MACROD2: variants seen among roughly 807,000 people sequenced by gnomAD.
MACROD2 encodes ADP-ribose glycohydrolase MACROD2.
Under a neutral mutation model 70.4 loss-of-function variants are expected in MACROD2, and 36 were observed. The observed-to-expected ratio is 0.51, with a 90% CI of 0.39 to 0.68. MACROD2 has a LOEUF of 0.68. Ranked by LOEUF, MACROD2 falls within the 30% of genes least tolerant of loss-of-function variation. The pLI is 0.00. For missense variants in MACROD2, 496 were observed against 538.4 expected (o/e 0.92, Z 0.78); for synonymous variants, 172 against 178.8 (o/e 0.96, Z 0.30).
chr20:15,947,740 T>G (rs1361467785), intron 12 of MACROD2, among the ~76,000 whole-genome samples: 1 of 152,206 alleles, frequency 6.6e-6, no homozygotes, highest in African/African-American at 2.4e-5. Flanking sequence ...ACATAACAGT[T>G]TCTATAATGC....
chr20:15,296,616 G>A (rs1019424624), intron 6 of MACROD2, among the ~76,000 whole-genome samples: 1 of 152,164 alleles, frequency 6.6e-6, no homozygotes, highest in African/African-American at 2.4e-5. Context: ...ACAAACAGAA[G>A]CAGAGATGCC....
intron 4 of MACROD2, among the ~76,000 whole-genome samples, chr20:14,602,975 A>T (rs1982588627): frequency 1.3e-5 from 2 of 152,184 alleles, no homozygotes; most frequent in Admixed American, 1.3e-4. Flanking sequence ...CCAAAGAGAG[A>T]CCAGCATTAC....
At position 15,266,793 on chromosome 20, in the gene MACROD2, C is replaced by A. The variant is rs369352259; in HGVS notation, c.540+36732C>A. Among the ~76,000 whole-genome samples, 4 of 152,296 alleles carry A rather than the reference C, an allele frequency of 2.6e-5. No homozygotes were observed. The South Asian group carries it at 8.3e-4, about 32-fold the overall frequency. On this transcript the variant is annotated intron_variant, in intron 6 of 17. Coordinates refer to ENST00000684519, the MANE Select transcript of MACROD2 (RefSeq NM_001351661.2). ...GTGACCCTGTCTCTACCACTTTTGT[C>A]CCCATCCTCTACTTTTGGGTTTAGC...
chr20:15,783,598 T>A (rs932381606), intron 8 of MACROD2, among the ~76,000 whole-genome samples: 2 of 152,186 alleles, frequency 1.3e-5, no homozygotes, highest in Non-Finnish European at 2.9e-5. Flanking sequence ...TAGGTAAGGA[T>A]ACAGCTTACT....
At chr20:14,268,250 A>G (rs2082160368) in intron 3 of MACROD2, among the ~76,000 whole-genome samples, 1 of 152,126 alleles carries the variant, frequency 6.6e-6, no homozygotes, top group Non-Finnish European at 1.5e-5. Context: ...AACTAACAAA[A>G]CTGACACTGA....
chr20:15,150,046 TTTG>T, intron 5 of MACROD2, among the ~76,000 whole-genome samples: 1 of 142,912 alleles, frequency 7.0e-6, no homozygotes, highest in Non-Finnish European at 1.6e-5. Flanking sequence ...GAGTTGTTGT[TTTG>T]TAGAAGGTGC....
At chr20:14,296,539 A>G (rs966655225) in intron 3 of MACROD2, among the ~76,000 whole-genome samples, 1 of 152,042 alleles carries the variant, frequency 6.6e-6, no homozygotes, top group Non-Finnish European at 1.5e-5. Context: ...GAAAGAAGCC[A>G]CACATGAAAA....
intron 8 of MACROD2, among the ~76,000 whole-genome samples, chr20:15,745,289 C>T (rs2146970687): frequency 6.6e-6 from 1 of 152,278 alleles, no homozygotes; most frequent in Non-Finnish European, 1.5e-5. Context: ...TAAGCATTAC[C>T]TACTTTTATC....
chr20:14,612,700 C>G (rs6042819), intron 4 of MACROD2, among the ~76,000 whole-genome samples: 10,787 of 151,990 alleles, frequency 0.071, 1,262 homozygotes, highest in African/African-American at 0.24. Context: ...TGAGGTCGGA[C>G]CTCCCTAAAA....
At chr20:15,574,049 C>G (rs1413810385) in intron 8 of MACROD2, among the ~76,000 whole-genome samples, 2 of 152,114 alleles carry the variant, frequency 1.3e-5, no homozygotes, top group African/African-American at 4.8e-5. Flanking sequence ...AATAAGTACA[C>G]TTTTTCTGCG....
intron 5 of MACROD2, among the ~76,000 whole-genome samples, chr20:15,158,512 T>C (rs2076325007): frequency 6.6e-6 from 1 of 152,140 alleles, no homozygotes; most frequent in Non-Finnish European, 1.5e-5. Flanking sequence ...CAGGCTAAAT[T>C]CAAATAGGGT....
chr20:14,770,400 C>A (rs1471867192), intron 5 of MACROD2, among the ~76,000 whole-genome samples: 1 of 151,820 alleles, frequency 6.6e-6, no homozygotes, highest in Non-Finnish European at 1.5e-5. Context: ...CTCTTTTTAG[C>A]TTTGGTAAAA....
Position 15,331,044 on chromosome 20 carries a change from ATCT to A in MACROD2, c.541-100356_541-100354del, listed in dbSNP as rs535179597. On this transcript the variant is annotated intron_variant, in intron 6 of 17. Transcript: ENST00000684519. ...CCTTATGAAAAGAGAAAATCGTGAC[ATCT>A]TCTTAATATGAAAAACTAGACAAGG... Among the ~76,000 whole-genome samples, 11 of 151,592 alleles carry A rather than the reference ATCT, an allele frequency of 7.3e-5. No individual in the cohort carries two copies. In the East Asian group the frequency reaches 1.9e-3, roughly 27 times the overall value.
intron 15 of MACROD2, among the ~76,000 whole-genome samples, chr20:16,028,470 A>T (rs142180307): frequency 6.6e-6 from 1 of 151,868 alleles, no homozygotes; most frequent in East Asian, 1.9e-4. Flanking sequence ...GCATTTCCAA[A>T]CCATTCTCAA....
At chr20:14,895,245 T>C (rs962129716) in intron 5 of MACROD2, 3 of 152,240 alleles carry the variant, frequency 2.0e-5, no homozygotes, top group African/African-American at 7.2e-5. Flanking sequence ...TGCCTTCCTG[T>C]TGTCGTTTAG....
At chr20:14,454,481 A>G (rs1197773252) in intron 3 of MACROD2, among the ~76,000 whole-genome samples, 1 of 151,758 alleles carries the variant, frequency 6.6e-6, no homozygotes, top group African/African-American at 2.4e-5. Context: ...AGAATTCCTA[A>G]TTAACAGTGA....
Position 14,493,685 on chromosome 20 carries a change from T to A in MACROD2, c.301+177T>A, listed in dbSNP as rs1416651309. 8 of 534,620 alleles carry A rather than the reference T, an allele frequency of 1.5e-5. No individual in the cohort carries two copies. In the East Asian group the frequency reaches 2.7e-4, roughly 18 times the overall value. The allele number at this position is 534,620 out of a possible 1,614,324, so 33.1% of individuals were successfully genotyped here. A position where few individuals can be genotyped will look rare whatever the true frequency, so the allele number is the denominator to read the frequency against. ...ATAAATACCTTGGTTTGCTTAAATGTTATTTTAATTGACTTCGAGATATAT... is the reference window on the plus strand; with the variant it reads ...ATAAATACCTTGGTTTGCTTAAATGATATTTTAATTGACTTCGAGATATAT... On this transcript the variant is annotated intron_variant, in intron 4 of 17. Transcript: ENST00000684519.
chr20:15,036,921 AAAT>A (rs1265386468), intron 5 of MACROD2, among the ~76,000 whole-genome samples: 1 of 151,616 alleles, frequency 6.6e-6, no homozygotes, highest in Non-Finnish European at 1.5e-5. Context: ...TATGTTATAT[AAAT>A]AATGTAATCA....
intron 3 of MACROD2, among the ~76,000 whole-genome samples, chr20:14,354,057 G>C (rs1043488459): frequency 6.6e-6 from 1 of 152,058 alleles, no homozygotes; most frequent in Non-Finnish European, 1.5e-5. Flanking sequence ...TAATTGTCAG[G>C]ATTTTTGTTT....
Sources: allele counts gnomAD v4.1 joint callset (sites outside exome capture counted in the v4.1 genomes callset), GRCh38; gene constraint gnomAD v4.1.1; transcripts MANE v1.5; gene names NCBI Gene and HGNC (gene_info 2026-07-23, HGNC 2026-07-21).